The following SLCO1C1 variants were observed in gnomAD, a reference collection of about 807,000 sequenced individuals.
The protein encoded by SLCO1C1 is solute carrier organic anion transporter family member 1C1.
A neutral mutation model predicts 76.4 loss-of-function variants in SLCO1C1; 70 were observed. That is an observed-to-expected ratio of 0.92 (90% CI 0.76 to 1.12). The LOEUF is 1.12. Among genes scored for constraint, SLCO1C1 ranks in the 50% most tolerant of loss-of-function variants. The pLI, the probability that SLCO1C1 is intolerant of heterozygous loss-of-function variation, is 0.00. For missense variants in SLCO1C1, 912 were observed against 823.8 expected (o/e 1.11, Z -1.31); for synonymous variants, 306 against 286.1 (o/e 1.07, Z -0.70).
intron 10 of SLCO1C1, 84 bp downstream of exon 10, chr12:20,733,188 A>C: frequency 1.6e-6 from 2 of 1,249,134 alleles, no homozygotes; most frequent in Non-Finnish European, 2.2e-6. Context: ...AAGGAATTTG[A>C]TTTTTAAACA....
chr12:20,736,275 A>AG (rs397764449), intron 10 of SLCO1C1, among the ~76,000 whole-genome samples: 3 of 150,504 alleles, frequency 2.0e-5, no homozygotes, highest in Non-Finnish European at 4.4e-5. Flanking sequence ...ACAAAAAAAA[A>AG]TGAAGGAGAA....
rs1241011497 is a variant in SLCO1C1 at position 20,748,948 on chromosome 12, C to G, written c.1799-1727C>G. On this transcript the variant is annotated intron_variant, in intron 13 of 14. Transcript: ENST00000266509. ...TTTTCTCCATTGAAAAATCCTTCTG[C>G]AGTTAATAAGTCACCTATAATTTGA... Among the ~76,000 whole-genome samples the G allele has an allele frequency of 4.6e-5, 7 of 152,130 alleles. No individual in the cohort carries two copies. The South Asian group carries it at 1.5e-3, about 32-fold the overall frequency.
chr12:20,701,570 A>ATCTT, intron 3 of SLCO1C1, 111 bp downstream of exon 3: 1 of 735,756 alleles, frequency 1.4e-6, no homozygotes, highest in Non-Finnish European at 1.8e-6. Context: ...TATTCATAAA[A>ATCTT]TCTTTTTTTT....
intron 12 of SLCO1C1, among the ~76,000 whole-genome samples, chr12:20,741,766 T>G (rs1307442213): frequency 6.6e-6 from 1 of 152,168 alleles, no homozygotes; most frequent in Admixed American, 6.5e-5. Flanking sequence ...TTGAGTTAGC[T>G]TTAGCTTTGC....
chr12:20,750,622 A>C, intron 13 of SLCO1C1, 53 bp from the exon 14 acceptor site: 2 of 1,519,124 alleles, frequency 1.3e-6, no homozygotes, highest in African/African-American at 2.7e-5. Context: ...AATCGTTCAT[A>C]GACAAAAAGA....
At chr12:20,748,110 A>G (rs1198241229) in intron 13 of SLCO1C1, among the ~76,000 whole-genome samples, 1 of 152,174 alleles carries the variant, frequency 6.6e-6, no homozygotes, top group Admixed American at 6.5e-5. Flanking sequence ...TAAATTCTTT[A>G]AATTATCTGA....
At chr12:20,737,650 G>A (rs1459610821) in intron 11 of SLCO1C1, among the ~76,000 whole-genome samples, 1 of 152,140 alleles carries the variant, frequency 6.6e-6, no homozygotes, top group Non-Finnish European at 1.5e-5. Flanking sequence ...TTTAGGGAAT[G>A]AACAAATAGA....
At chr12:20,724,995 A>G (rs1288488577) in intron 9 of SLCO1C1, among the ~76,000 whole-genome samples, 2 of 142,344 alleles carry the variant, frequency 1.4e-5, no homozygotes, top group Admixed American at 1.4e-4. Flanking sequence ...AAATAATTAC[A>G]TTATAAAACA....
chr12:20,738,119 A>G (rs1948632628), intron 11 of SLCO1C1, among the ~76,000 whole-genome samples: 1 of 151,978 alleles, frequency 6.6e-6, no homozygotes, highest in Non-Finnish European at 1.5e-5. Flanking sequence ...TGAGGGCTAC[A>G]CCCTCATGAA....
At chr12:20,699,823 G>C in intron 2 of SLCO1C1, 118 bp downstream of exon 2, 8 of 1,178,674 alleles carry the variant, frequency 6.8e-6, no homozygotes, top group Non-Finnish European at 7.9e-6. Flanking sequence ...AAAGATCTTA[G>C]ATGCAATTTA....
At chr12:20,728,225 T>C (rs904675213) in intron 9 of SLCO1C1, among the ~76,000 whole-genome samples, 1 of 152,102 alleles carries the variant, frequency 6.6e-6, no homozygotes, top group African/African-American at 2.4e-5. Flanking sequence ...TTCATTCTTT[T>C]GCATATGACT....
intron 9 of SLCO1C1, among the ~76,000 whole-genome samples, chr12:20,728,645 G>A (rs1009434274): frequency 2.6e-5 from 4 of 151,556 alleles, no homozygotes; most frequent in African/African-American, 9.7e-5. Flanking sequence ...AACTTTACTA[G>A]GAGAGAAGTT....
chr12:20,734,730 C>T (rs1002122797), intron 10 of SLCO1C1, among the ~76,000 whole-genome samples: 15 of 152,106 alleles, frequency 9.9e-5, no homozygotes, highest in Non-Finnish European at 1.5e-5. Flanking sequence ...CCTACATAAT[C>T]AAAGATTAAA....
At chr12:20,702,852 A>AT (rs1367469783) in intron 3 of SLCO1C1, among the ~76,000 whole-genome samples, 1 of 151,920 alleles carries the variant, frequency 6.6e-6, no homozygotes, top group East Asian at 1.9e-4. Flanking sequence ...CTCACTCTAG[A>AT]TTATTATATA....
At chr12:20,727,218 C>CTG (rs1329847956) in intron 9 of SLCO1C1, among the ~76,000 whole-genome samples, 1 of 152,166 alleles carries the variant, frequency 6.6e-6, no homozygotes. Flanking sequence ...TTTATACCCA[C>CTG]TGATGGGATT....
chr12:20,744,678 C>A (rs950747256), intron 13 of SLCO1C1, among the ~76,000 whole-genome samples: 2 of 152,126 alleles, frequency 1.3e-5, no homozygotes, highest in African/African-American at 4.8e-5. Flanking sequence ...TATGTTTATA[C>A]ATTGCTGTTG....
chr12:20,705,748 C>T (rs7960866), intron 3 of SLCO1C1, among the ~76,000 whole-genome samples: 4,656 of 151,624 alleles, frequency 0.031, 205 homozygotes, highest in African/African-American at 0.099. Flanking sequence ...TAAAATATTT[C>T]GATAAAGGGA....
chr12:20,701,251 A>G (rs967056373), intron 2 of SLCO1C1, 67 bp from the exon 3 acceptor site: 66 of 1,356,546 alleles, frequency 4.9e-5, no homozygotes, highest in Non-Finnish European at 5.8e-5. Flanking sequence ...TTGTTTGTCT[A>G]TTTACTTAGT....
At chr12:20,751,479 G>T (rs935247982) in intron 14 of SLCO1C1, among the ~76,000 whole-genome samples, 2 of 152,152 alleles carry the variant, frequency 1.3e-5, no homozygotes, top group Admixed American at 6.5e-5. Flanking sequence ...ATTTTCTGGA[G>T]AAATAAACTT....
Sources: gnomAD v4.1 joint callset for allele counts (sites outside exome capture counted in the v4.1 genomes callset) on GRCh38, gnomAD v4.1.1 for gene constraint, MANE v1.5 for transcripts, NCBI Gene and HGNC (gene_info 2026-07-23, HGNC 2026-07-21) for gene names.